Variants in ACACA observed in about 807,000 individuals in gnomAD.
ACACA encodes the protein acetyl-CoA carboxylase 1.
Under a neutral mutation model 296.1 loss-of-function variants are expected in ACACA, and 103 were observed. That is an observed-to-expected ratio of 0.35 (90% confidence interval 0.30 to 0.41). The LOEUF is 0.41. Among genes scored for constraint, ACACA ranks in the 10% least tolerant of loss-of-function variants. The pLI is 1.00. For synonymous variants in ACACA, 953 were observed against 1,038.6 expected (o/e 0.92, Z 1.58); for missense variants, 1,554 against 2,989.7 (o/e 0.52, Z 11.20).
At chr17:37,281,565 T>A (rs1486475897) in intron 5 of ACACA, among the ~76,000 whole-genome samples, 1 of 151,984 alleles carries the variant, frequency 6.6e-6, no homozygotes, top group African/African-American at 2.4e-5. Context: ...CAGGTAGAAA[T>A]GAATGAGGAA....
chr17:37,387,237 A>C (rs1242140744), intron 1 of ACACA: 2 of 152,334 alleles, frequency 1.3e-5, no homozygotes, highest in Non-Finnish European at 2.9e-5. Context: ...CTCCTGCCTC[A>C]GCCTCCTGAG....
At chr17:37,303,871 T>C (rs2083747672) in intron 3 of ACACA, among the ~76,000 whole-genome samples, 1 of 152,088 alleles carries the variant, frequency 6.6e-6, no homozygotes, top group Admixed American at 6.6e-5. Flanking sequence ...AAAAAGAAAG[T>C]GTCAAATTAT....
chr17:37,314,345 C>T (rs1377929568), intron 3 of ACACA, among the ~76,000 whole-genome samples: 3 of 152,000 alleles, frequency 2.0e-5, no homozygotes, highest in African/African-American at 2.4e-5. Context: ...GTGATCCGCC[C>T]GCCTCAGCCT....
intron 51 of ACACA, 128 bp downstream of exon 51, chr17:37,112,960 G>GA: frequency 8.5e-7 from 1 of 1,174,332 alleles, no homozygotes; most frequent in Non-Finnish European, 1.2e-6. Flanking sequence ...GTAATGGAAG[G>GA]AAAAAGCTTT....
intron 35 of ACACA, among the ~76,000 whole-genome samples, chr17:37,197,616 CAA>C (rs2078062287): frequency 6.6e-6 from 1 of 152,164 alleles, no homozygotes; most frequent in Non-Finnish European, 1.5e-5. Flanking sequence ...TCATGAATGT[CAA>C]GCTACCATCA....
At chr17:37,248,195 A>T (rs376491782) in intron 17 of ACACA, 39 bp from the exon 18 acceptor site, 3 of 1,612,682 alleles carry the variant, frequency 1.9e-6, no homozygotes, top group Non-Finnish European at 1.7e-6. Context: ...TGTCCCTTCC[A>T]GGTACAGCTC....
At chr17:37,185,221 C>T (rs1215432304) in intron 39 of ACACA, among the ~76,000 whole-genome samples, 1 of 152,010 alleles carries the variant, frequency 6.6e-6, no homozygotes, top group Non-Finnish European at 1.5e-5. Context: ...GTAAATTGCA[C>T]TTCAATAAAG....
chr17:37,231,391 A>C (rs2079854394), intron 25 of ACACA, among the ~76,000 whole-genome samples: 1 of 152,244 alleles, frequency 6.6e-6, no homozygotes, highest in Admixed American at 6.5e-5. Context: ...ACCCAGGATC[A>C]GCAATGAACT....
At chr17:37,228,239 G>T (rs921950375) in intron 25 of ACACA, among the ~76,000 whole-genome samples, 35 of 112,830 alleles carry the variant, frequency 3.1e-4, no homozygotes, top group Admixed American at 5.8e-4. Flanking sequence ...TTGAGAAAAT[G>T]ATATAATGAG....
chr17:37,230,275 T>C (rs546469990), intron 25 of ACACA, among the ~76,000 whole-genome samples: 1 of 150,998 alleles, frequency 6.6e-6, no homozygotes, highest in South Asian at 2.1e-4. Context: ...TCCCAGCTAC[T>C]CAGGAGGCTG....
rs550264260 is a variant in ACACA at position 37,214,033 on chromosome 17, T to C, written c.3684-3543A>G. Among the ~76,000 whole-genome samples, 189 of 151,498 alleles carry C rather than the reference T, an allele frequency of 1.2e-3. 1 individual carries two copies. Among genetic ancestry groups the C allele is most frequent in the African/African-American group, 4.3e-3 (180 of 41,380 alleles). Reference sequence around the variant, plus strand: ...CCCATATGAAAATGATGGGGATGCATGCAAACAAGCAGTGGTTACATCAAG... The same window carrying C: ...CCCATATGAAAATGATGGGGATGCACGCAAACAAGCAGTGGTTACATCAAG... On this transcript the variant is annotated intron_variant, in intron 29 of 55. Coordinates refer to ENST00000616317, the MANE Select transcript of ACACA (RefSeq NM_198834.3).
At chr17:37,294,976 C>T (rs1415886082) in intron 3 of ACACA, among the ~76,000 whole-genome samples, 1 of 152,238 alleles carries the variant, frequency 6.6e-6, no homozygotes, top group African/African-American at 2.4e-5. Flanking sequence ...TAAGGCCACA[C>T]TTTCCCATGC....
chr17:37,382,246 G>A (rs941021637), intron 1 of ACACA, among the ~76,000 whole-genome samples: 2 of 151,964 alleles, frequency 1.3e-5, no homozygotes, highest in African/African-American at 4.8e-5. Flanking sequence ...TCCACACTGG[G>A]GGAGAATGCC....
intron 31 of ACACA, 77 bp from the exon 32 acceptor site, chr17:37,206,956 T>A (rs934008948): frequency 2.4e-6 from 3 of 1,244,274 alleles, no homozygotes; most frequent in African/African-American, 3.0e-5. Context: ...CAGCTGAGTC[T>A]AAAAGAATAA....
intron 38 of ACACA, among the ~76,000 whole-genome samples, chr17:37,190,481 A>T (rs1392924171): frequency 6.6e-6 from 1 of 152,154 alleles, no homozygotes; most frequent in Non-Finnish European, 1.5e-5. Flanking sequence ...AACAGAGAGC[A>T]GCCTGTCTTT....
chr17:37,388,673 C>T (rs767556417), intron 1 of ACACA: 4 of 1,611,948 alleles, frequency 2.5e-6, no homozygotes, highest in Admixed American at 1.7e-5. Context: ...CCTTTAGACA[C>T]AGATGAGAAC....
At chr17:37,119,641 C>A (rs113172549) in intron 50 of ACACA, among the ~76,000 whole-genome samples, 19 of 133,238 alleles carry the variant, frequency 1.4e-4, no homozygotes, top group African/African-American at 5.5e-4. Flanking sequence ...CACACACACA[C>A]AATCAACCTA....
chr17:37,085,840 A>C lies in ACACA; in HGVS notation c.*1476T>G, dbSNP rs530400221. On this transcript the variant is annotated 3_prime_UTR_variant, in exon 56 of 56. Transcript: ENST00000616317. ...AACTGTGGCTTGTCCAAGAACGTTCATACCACTGCTTCTCAAATGTCTTAG... is the reference window on the plus strand; with the variant it reads ...AACTGTGGCTTGTCCAAGAACGTTCCTACCACTGCTTCTCAAATGTCTTAG... 163 of 399,110 alleles carry C rather than the reference A, an allele frequency of 4.1e-4. No individual in the cohort carries two copies. The East Asian group carries it at 5.8e-3, about 14-fold the overall frequency. The allele number at this position is 399,110 out of a possible 1,614,324, so 24.7% of individuals were successfully genotyped here. A position where few individuals can be genotyped will look rare whatever the true frequency, so the allele number is the denominator to read the frequency against.
chr17:37,300,598 C>A (rs901250658), intron 3 of ACACA, among the ~76,000 whole-genome samples: 7 of 152,132 alleles, frequency 4.6e-5, no homozygotes, highest in Admixed American at 6.5e-5. Context: ...AACAGAAGTA[C>A]ACAAATGACC....
Sources: allele counts gnomAD v4.1 joint callset (sites outside exome capture counted in the v4.1 genomes callset), GRCh38; gene constraint gnomAD v4.1.1; transcripts MANE v1.5; gene names NCBI Gene and HGNC (gene_info 2026-07-23, HGNC 2026-07-21).